Variants in PDE4B observed in about 807,000 individuals in gnomAD.
PDE4B encodes the protein phosphodiesterase 4B, also known as 3',5'-cyclic-AMP phosphodiesterase 4B.
Under a neutral mutation model 82.2 loss-of-function variants are expected in PDE4B, and 20 were observed. The observed-to-expected ratio is 0.24, with a 90% confidence interval of 0.17 to 0.35. The LOEUF (loss-of-function observed/expected upper bound fraction) is 0.35, where lower values mean the gene tolerates loss of function less well. Among genes scored for constraint, PDE4B ranks in the 10% least tolerant of loss-of-function variants. The probability of loss-of-function intolerance (pLI) is 1.00; values close to 1 mark genes in which losing one functional copy is unlikely to be tolerated. For synonymous variants in PDE4B, 320 were observed against 318.9 expected, an observed-to-expected ratio of 1.00 and a Z score of -0.04; for missense variants, 655 against 907.2, an observed-to-expected ratio of 0.72 and a Z score of 3.57.
intron 7 of PDE4B, among the ~76,000 whole-genome samples, chr1:66,298,001 A>G (rs1001605343): frequency 1.3e-5 from 2 of 152,150 alleles, no homozygotes; most frequent in East Asian, 1.9e-4. Context: ...AGCTGTTTTA[A>G]TCATTTGTAT....
At chr1:66,152,546 CAT>C (rs768085636) in intron 3 of PDE4B, 2 of 294,348 alleles carry the variant, frequency 6.8e-6, no homozygotes, top group South Asian at 3.0e-5. Flanking sequence ...TGTATATGTA[CAT>C]ATATATAAAA....
chr1:65,975,226 G>C (rs1187173318), intron 3 of PDE4B, among the ~76,000 whole-genome samples: 2 of 152,216 alleles, frequency 1.3e-5, no homozygotes, highest in Non-Finnish European at 2.9e-5. Flanking sequence ...CAAAGAGACT[G>C]GTGGCATTTT....
intron 3 of PDE4B, among the ~76,000 whole-genome samples, chr1:66,146,359 A>G (rs2455037): frequency 0.55 from 83,636 of 151,246 alleles, 24,929 homozygotes; most frequent in Non-Finnish European, 0.68. Context: ...ATTTTTTTGT[A>G]TTTTTAGTGG....
At chr1:65,812,350 A>G (rs1321382363) in intron 1 of PDE4B, among the ~76,000 whole-genome samples, 2 of 152,070 alleles carry the variant, frequency 1.3e-5, no homozygotes, top group Non-Finnish European at 2.9e-5. Context: ...TCTCCTTCTT[A>G]GGGTATGGCC....
intron 3 of PDE4B, among the ~76,000 whole-genome samples, chr1:66,001,880 A>G (rs1381677026): frequency 6.6e-6 from 1 of 151,718 alleles, no homozygotes; most frequent in East Asian, 1.9e-4. Flanking sequence ...GTGCCACCAC[A>G]CCCAGCTCAT....
chr1:66,328,559 T>C (rs1659890657), intron 7 of PDE4B, among the ~76,000 whole-genome samples: 1 of 152,234 alleles, frequency 6.6e-6, no homozygotes, highest in African/African-American at 2.4e-5. Context: ...TTATAAATGA[T>C]GTCTGATGGG....
intron 1 of PDE4B, among the ~76,000 whole-genome samples, chr1:65,854,290 A>G (rs913442388): frequency 6.6e-6 from 1 of 151,656 alleles, no homozygotes; most frequent in Admixed American, 6.6e-5. Context: ...GAAATTAAAA[A>G]TTAGAAGCAA....
chr1:65,819,550 G>T (rs1420877422), intron 1 of PDE4B, among the ~76,000 whole-genome samples: 10 of 148,662 alleles, frequency 6.7e-5, no homozygotes, highest in Admixed American at 6.7e-4. Context: ...CGCCCAGGCT[G>T]GAGTACAGTG....
At chr1:65,856,118 T>C (rs550450704) in intron 1 of PDE4B, among the ~76,000 whole-genome samples, 2 of 152,270 alleles carry the variant, frequency 1.3e-5, no homozygotes, top group Admixed American at 1.3e-4. Flanking sequence ...ATCTCCCTAA[T>C]ACCACTTGAT....
chr1:66,003,360 A>C (rs1423763864), intron 3 of PDE4B, among the ~76,000 whole-genome samples: 1 of 152,124 alleles, frequency 6.6e-6, no homozygotes, highest in African/African-American at 2.4e-5. Context: ...AAAAAAAAAA[A>C]ACATTTATCA....
At chr1:66,224,339 A>T (rs1307227993) in intron 3 of PDE4B, among the ~76,000 whole-genome samples, 1 of 152,198 alleles carries the variant, frequency 6.6e-6, no homozygotes, top group African/African-American at 2.4e-5. Flanking sequence ...GTGCCCACCA[A>T]AATTCTGGGC....
intron 3 of PDE4B, among the ~76,000 whole-genome samples, chr1:65,999,551 T>A (rs778093311): frequency 5.7e-4 from 86 of 152,210 alleles, no homozygotes; most frequent in Non-Finnish European, 1.1e-3. Context: ...TCTCCAGGTA[T>A]CACTATCCGG....
chr1:66,271,663 A>G (rs1655489112), intron 7 of PDE4B, among the ~76,000 whole-genome samples: 3 of 152,178 alleles, frequency 2.0e-5, no homozygotes, highest in African/African-American at 7.2e-5. Flanking sequence ...CTCTTTGGTT[A>G]CAGTAGGCTC....
intron 3 of PDE4B, among the ~76,000 whole-genome samples, chr1:66,175,738 C>T (rs187873674): frequency 3.3e-5 from 5 of 152,256 alleles, no homozygotes; most frequent in Non-Finnish European, 5.9e-5. Flanking sequence ...TTACTTCTTC[C>T]TCTCTATGCT....
intron 3 of PDE4B, among the ~76,000 whole-genome samples, chr1:65,940,528 G>A (rs1306622075): frequency 6.6e-6 from 1 of 152,164 alleles, no homozygotes; most frequent in South Asian, 2.1e-4. Flanking sequence ...AGAGATTATT[G>A]CAGGAAGGTA....
intron 7 of PDE4B, among the ~76,000 whole-genome samples, chr1:66,311,405 C>T (rs1186101637): frequency 6.6e-6 from 1 of 152,274 alleles, no homozygotes; most frequent in Non-Finnish European, 1.5e-5. Flanking sequence ...CATGCCTTCA[C>T]TGTCTCCCTT....
intron 7 of PDE4B, among the ~76,000 whole-genome samples, chr1:66,300,844 C>T (rs1353488277): frequency 6.6e-6 from 1 of 152,134 alleles, no homozygotes; most frequent in African/African-American, 2.4e-5. Context: ...TTTCAGTGTC[C>T]AAGTCTATTC....
At chr1:66,056,957 T>G (rs1655335223) in intron 3 of PDE4B, among the ~76,000 whole-genome samples, 1 of 152,232 alleles carries the variant, frequency 6.6e-6, no homozygotes, top group Admixed American at 6.5e-5. Flanking sequence ...AACTTTGCAG[T>G]AATTTATGAC....
intron 1 of PDE4B, among the ~76,000 whole-genome samples, chr1:65,904,535 TTA>T (rs1378814098): frequency 6.6e-6 from 1 of 152,154 alleles, no homozygotes; most frequent in Non-Finnish European, 1.5e-5. Flanking sequence ...TATCTCTCCT[TTA>T]TGTTTCATCA....
Sources: allele counts gnomAD v4.1 joint callset (sites outside exome capture counted in the v4.1 genomes callset), GRCh38; gene constraint gnomAD v4.1.1; transcripts MANE v1.5; gene names NCBI Gene and HGNC (gene_info 2026-07-23, HGNC 2026-07-21).